DOCK11: variants seen among roughly 807,000 people sequenced by gnomAD.
DOCK11 encodes the protein dedicator of cytokinesis protein 11.
A neutral mutation model predicts 169.1 loss-of-function variants in DOCK11; 70 were observed. The ratio of observed to expected loss-of-function variants is 0.41; its 90% CI spans 0.34 to 0.51. DOCK11 has a LOEUF of 0.51. Ranked by LOEUF, DOCK11 falls within the 20% of genes least tolerant of loss-of-function variation. The probability of loss-of-function intolerance (pLI) is 0.10; values close to 1 mark genes in which losing one functional copy is unlikely to be tolerated. For synonymous variants in DOCK11, 529 were observed against 541.3 expected (o/e 0.98, Z 0.32); for missense variants, 1,166 against 1,538.8 (o/e 0.76, Z 4.05).
chrX:118,519,401 T>A (rs2057708919), intron 1 of DOCK11, among the ~76,000 whole-genome samples: 1 of 111,402 alleles, frequency 9.0e-6, no homozygotes, highest in Admixed American at 9.6e-5. Flanking sequence ...TACAAAAAAA[T>A]TAGCCAGGCG....
chrX:118,670,743 G>A (rs1008860319), intron 45 of DOCK11, among the ~76,000 whole-genome samples: 1 of 111,272 alleles, frequency 9.0e-6, no homozygotes, highest in East Asian at 2.8e-4. Context: ...ATGTGTTAAC[G>A]TTTACAACTA....
chrX:118,674,676 A>G (rs974543922), intron 46 of DOCK11, among the ~76,000 whole-genome samples: 2 of 112,061 alleles, frequency 1.8e-5, no homozygotes, highest in South Asian at 7.3e-4. Flanking sequence ...TCTCTTGAAT[A>G]TATACTAGGG....
chrX:118,672,855 C>T (rs1456735960), intron 46 of DOCK11, among the ~76,000 whole-genome samples: 1 of 112,598 alleles, frequency 8.9e-6, no homozygotes, highest in African/African-American at 3.2e-5. Flanking sequence ...CAAACTAGCT[C>T]TGATCAAATT....
Position 118,609,828 on chromosome X carries a change from A to C in DOCK11, c.2950-444A>C, listed in dbSNP as rs145944928. ...TTTTTAATTGTTTGAAAGGTATAAA[A>C]ATATTTTCTTATTCATAGGAATCAT... is the stretch of plus-strand genomic sequence containing the variant. On this transcript the variant is annotated intron_variant, in intron 27 of 52. Transcript: ENST00000276202. Among the ~76,000 whole-genome samples the C allele has an allele frequency of 1.4e-3, 157 of 112,715 alleles. 1 individual carries two copies. The highest frequency in any genetic ancestry group is 4.5e-3 in the African/African-American group (141 of 31,130).
chrX:118,603,331 G>GTTTGT (rs552816698), intron 23 of DOCK11, among the ~76,000 whole-genome samples: 11 of 112,491 alleles, frequency 9.8e-5, no homozygotes, highest in Non-Finnish European at 1.9e-4. Context: ...GTTCGTGGTA[G>GTTTGT]TTTGTTTTGT....
In DOCK11 at chrX:118,608,480, G is replaced by A. The variant is rs950615394; in HGVS notation, c.2877+124G>A. 6.8e-6 allele frequency: 6 copies of A among 877,591 alleles called. No individual in the cohort carries two copies. The African/African-American group carries it at 1.2e-4, about 18-fold the overall frequency. The allele number at this position is 877,591 out of a possible 1,213,427, so 72.3% of individuals were successfully genotyped here. On this transcript the variant is annotated intron_variant, in intron 26 of 52. Transcript: ENST00000276202. ...TGACCCGTCCTTTCTCCACCATTTT[G>A]CCCATGCATCCTTTTCCTGAAGTTC... is the stretch of plus-strand genomic sequence containing the variant.
chrX:118,545,515 G>C, intron 5 of DOCK11, 123 bp downstream of exon 5: 3 of 532,645 alleles, frequency 5.6e-6, no homozygotes, highest in Non-Finnish European at 8.5e-6. Flanking sequence ...GGAATGATCT[G>C]TGGCCAGCTT....
intron 32 of DOCK11, among the ~76,000 whole-genome samples, chrX:118,625,157 AG>A (rs1025740370): frequency 6.7e-5 from 7 of 104,823 alleles, no homozygotes; most frequent in African/African-American, 2.4e-4. Context: ...TTGTTAAAAC[AG>A]GTTTTTTTTT....
At chrX:118,526,641 T>A (rs1447369875) in intron 1 of DOCK11, among the ~76,000 whole-genome samples, 2 of 111,999 alleles carry the variant, frequency 1.8e-5, no homozygotes, top group East Asian at 5.6e-4. Context: ...GATTGCTCCC[T>A]AAGAGAAACC....
Position 118,584,707 on chromosome X carries a change from T to TA in DOCK11, c.1596-21dup, listed in dbSNP as rs35145775. The TA allele has an allele frequency of 5.1e-3, 5,582 of 1,087,671 alleles. 178 individuals carry two copies. The African/African-American group carries it at 0.093, about 18-fold the overall frequency. The allele number at this position is 1,087,671 out of a possible 1,213,427, so 89.6% of individuals were successfully genotyped here. A position where few individuals can be genotyped will look rare whatever the true frequency, so the allele number is the denominator to read the frequency against. On this transcript the variant is annotated intron_variant, in intron 14 of 52. Coordinates refer to ENST00000276202, the MANE Select transcript of DOCK11 (RefSeq NM_144658.4). Reference sequence around the variant, plus strand: ...TTTATCAACATGGAATTTTTTTTTTTAAAAAAATGCTTCTGTTGCTGTTTT... The same window carrying TA: ...TTTATCAACATGGAATTTTTTTTTTTAAAAAAAATGCTTCTGTTGCTGTTTT...
chrX:118,519,531 T>C (rs2057710316), intron 1 of DOCK11, among the ~76,000 whole-genome samples: 1 of 112,004 alleles, frequency 8.9e-6, no homozygotes, highest in African/African-American at 3.2e-5. Flanking sequence ...AGAGCTTGAC[T>C]CTGTCTCAAA....
Position 118,495,925 on chromosome X carries a change from C to T in DOCK11, c.-47C>T. On this transcript the variant is annotated 5_prime_UTR_variant, in exon 1 of 53. Coordinates refer to ENST00000276202, the MANE Select transcript of DOCK11 (RefSeq NM_144658.4). ...CGGGCCGGGGCAGTGAGTCCACCCG[C>T]CCGCCGAGGTCCGCCCGCCCGCCGA... 1.1e-6 allele frequency: 1 copy of T among 925,227 alleles called. No homozygotes were observed. Among genetic ancestry groups the T allele is most frequent in the Non-Finnish European group, 1.4e-6 (1 of 723,476 alleles). The allele number at this position is 925,227 out of a possible 1,213,427, so 76.2% of individuals were successfully genotyped here. A position where few individuals can be genotyped will look rare whatever the true frequency, so the allele number is the denominator to read the frequency against.
Position 118,634,976 on chromosome X carries a change from G to A in DOCK11, c.3887-1370G>A, listed in dbSNP as rs112735281. On this transcript the variant is annotated intron_variant, in intron 35 of 52. Coordinates refer to ENST00000276202, the MANE Select transcript of DOCK11 (RefSeq NM_144658.4). ...TCCTGACTTCAGATCCACCCGCCTCGGCCTCCGAAAGTGCTGGGATTACAG... is the reference window on the plus strand; with the variant it reads ...TCCTGACTTCAGATCCACCCGCCTCAGCCTCCGAAAGTGCTGGGATTACAG... 8.9e-3 allele frequency among the ~76,000 whole-genome samples: 998 copies of A among 111,546 alleles called. 18 individuals carry two copies. The highest frequency in any genetic ancestry group is 0.031 in the African/African-American group (945 of 30,714).
intron 40 of DOCK11, among the ~76,000 whole-genome samples, chrX:118,644,933 A>G (rs958710999): frequency 1.8e-5 from 2 of 111,921 alleles, no homozygotes; most frequent in African/African-American, 6.5e-5. Flanking sequence ...ACAATGTCAA[A>G]GGCAGTAAAA....
At chrX:118,616,290 A>G in intron 30 of DOCK11, 2 of 827,669 alleles carry the variant, frequency 2.4e-6, no homozygotes, top group Non-Finnish European at 3.1e-6. Flanking sequence ...TTAGAAAACA[A>G]TTGATTTGAT....
chrX:118,632,951 G>A (rs907685472), intron 35 of DOCK11: 4 of 85,225 alleles, frequency 4.7e-5, no homozygotes, highest in Admixed American at 2.8e-4. Flanking sequence ...CCTTAAGAGA[G>A]AAGGTGGTGG....
At chrX:118,575,219 T>C (rs2013406775) in intron 12 of DOCK11, among the ~76,000 whole-genome samples, 1 of 111,561 alleles carries the variant, frequency 9.0e-6, no homozygotes, top group Non-Finnish European at 1.9e-5. Flanking sequence ...GTTGTGTATA[T>C]AGAAATATAT....
Position 118,572,248 on chromosome X carries a change from A to T in DOCK11, c.1036-75A>T, listed in dbSNP as rs184456273. 2.8e-3 allele frequency: 2,735 copies of T among 963,386 alleles called. 42 individuals carry two copies. The African/African-American group carries it at 0.047, about 16-fold the overall frequency. The allele number at this position is 963,386 out of a possible 1,213,427, so 79.4% of individuals were successfully genotyped here. ...GACAGAGAACTGTTGGATTTTTGCC[A>T]TTTTTTGTATATTGATGTAAATCAA... On this transcript the variant is annotated intron_variant, in intron 10 of 52. Transcript: ENST00000276202.
chrX:118,521,475 C>A lies in DOCK11; in HGVS notation c.103-21250C>A, dbSNP rs1412192731. On this transcript the variant is annotated intron_variant, in intron 1 of 52. Transcript: ENST00000276202. ...TAGACTGACACTCTCCAAAAAGCAACCACAGTGTTTGAATTTTGGAATTCT... is the reference window on the plus strand; with the variant it reads ...TAGACTGACACTCTCCAAAAAGCAAACACAGTGTTTGAATTTTGGAATTCT... 3.8e-4 allele frequency among the ~76,000 whole-genome samples: 43 copies of A among 112,401 alleles called. No individual in the cohort carries two copies. The Admixed American group carries it at 4.1e-3, about 11-fold the overall frequency.
Sources: gnomAD v4.1 joint callset for allele counts (sites outside exome capture counted in the v4.1 genomes callset) on GRCh38, gnomAD v4.1.1 for gene constraint, MANE v1.5 for transcripts, NCBI Gene and HGNC (gene_info 2026-07-23, HGNC 2026-07-21) for gene names.